The following MYL2 variants were observed in gnomAD, a reference collection of about 807,000 sequenced individuals.
MYL2 encodes the protein myosin regulatory light chain 2, ventricular/cardiac muscle isoform.
In MYL2, 19 loss-of-function variants were observed where a neutral mutation model predicts 23.0. The observed-to-expected ratio is 0.83, with a 90% CI of 0.58 to 1.21. The LOEUF (loss-of-function observed/expected upper bound fraction) is 1.21. MYL2 is among the 50% of genes most tolerant of loss of function. The pLI is 0.00. For missense variants in MYL2, 180 were observed against 215.1 expected, an observed-to-expected ratio of 0.84 and a Z score of 1.02; for synonymous variants, 78 against 76.2, an observed-to-expected ratio of 1.02 and a Z score of -0.13.
At position 110,913,262 on chromosome 12, in the gene MYL2, C is replaced by A. The variant is rs758729568; in HGVS notation, c.337G>T (p.Val113Leu). 18 of 1,614,236 alleles carry A rather than the reference C, an allele frequency of 1.1e-5. No homozygotes were observed. The South Asian group carries it at 1.9e-4, about 17-fold the overall frequency. ...CCCACTCACTAATCAGCCTTCAGCA[C>A]CCCTTTGCCTTCAGGGTCAAACACT... is the stretch of plus-strand genomic sequence containing the variant. ...FKVFDPEGKG[V>L]LKADYVREML... Residue 113 changes from valine to leucine, a missense_variant, in exon 5 of 7, where the codon GTG becomes TTG. By Grantham distance (32) the Val-to-Leu change is conservative. Transcript: ENST00000228841.
intron 2 of MYL2, among the ~76,000 whole-genome samples, chr12:110,917,295 T>A (rs2071693306): frequency 6.6e-6 from 1 of 151,622 alleles, no homozygotes; most frequent in Non-Finnish European, 1.5e-5. Flanking sequence ...TTTAGCTTTT[T>A]AAAAAATAAT....
intron 2 of MYL2, among the ~76,000 whole-genome samples, chr12:110,917,521 A>AAACC (rs1426851847): frequency 2.8e-4 from 36 of 127,486 alleles, no homozygotes; most frequent in African/African-American, 8.2e-4. Flanking sequence ...ACAAACAAAC[A>AAACC]GACCAAATGG....
At position 110,918,306 on chromosome 12, in the gene MYL2, G is replaced by T. The variant is rs889990474; in HGVS notation, c.93+798C>A. Among the ~76,000 whole-genome samples, 7 of 152,088 alleles carry T rather than the reference G, an allele frequency of 4.6e-5. No homozygotes were observed. The highest frequency in any genetic ancestry group is 1.0e-4 in the Non-Finnish European group (7 of 68,032). Reference sequence around the variant, plus strand: ...TCAAATGCGATGGGGTTTCAAATGGGGCTAGTGGTTAATAATCAAAGACTG... The same window carrying T: ...TCAAATGCGATGGGGTTTCAAATGGTGCTAGTGGTTAATAATCAAAGACTG... On this transcript the variant is annotated intron_variant, in intron 2 of 6. Coordinates refer to ENST00000228841, the MANE Select transcript of MYL2 (RefSeq NM_000432.4). The surrounding 1 kb of genome is among the most constrained non-coding windows in gnomAD (Gnocchi z 4.4).
intron 2 of MYL2, among the ~76,000 whole-genome samples, chr12:110,917,047 C>T (rs971621142): frequency 1.3e-5 from 2 of 151,784 alleles, no homozygotes; most frequent in Admixed American, 6.6e-5. Flanking sequence ...GGTTTCACCA[C>T]GTTGGCCAGG....
intron 1 of MYL2, among the ~76,000 whole-genome samples, chr12:110,919,829 A>G (rs145782309): frequency 1.0e-3 from 159 of 152,286 alleles, no homozygotes; most frequent in Non-Finnish European, 1.9e-3. Context: ...TCGGTACTCT[A>G]CATATGTATT....
chr12:110,920,258 T>C (rs562903837), intron 1 of MYL2, among the ~76,000 whole-genome samples: 7 of 152,364 alleles, frequency 4.6e-5, no homozygotes, highest in African/African-American at 1.2e-4. Context: ...CTGGGAGTTA[T>C]TGATTCCTCG....
At position 110,919,035 on chromosome 12, in the gene MYL2, A is replaced by T; in HGVS notation, c.93+69T>A. On this transcript the variant is annotated intron_variant, in intron 2 of 6. Coordinates refer to ENST00000228841, the MANE Select transcript of MYL2 (RefSeq NM_000432.4). Reference sequence around the variant, plus strand: ...TGAAAGGTCCCTGCTGGGAATATGGAACAAAAAGAAGGTTCTCCCTCGTGG... The same window carrying T: ...TGAAAGGTCCCTGCTGGGAATATGGTACAAAAAGAAGGTTCTCCCTCGTGG... 4 of 1,448,940 alleles carry T rather than the reference A, an allele frequency of 2.8e-6. No individual in the cohort carries two copies. The South Asian group carries it at 3.5e-5, about 13-fold the overall frequency. 89.8% of individuals were successfully genotyped at this position (1,448,940 alleles called of 1,614,324 possible).
At chr12:110,920,267 C>G (rs1205069584) in intron 1 of MYL2, among the ~76,000 whole-genome samples, 1 of 152,076 alleles carries the variant, frequency 6.6e-6, no homozygotes, top group Non-Finnish European at 1.5e-5. Flanking sequence ...ATTGATTCCT[C>G]GAGAGGTCAG....
rs1358384301 is a variant in MYL2 at position 110,914,186 on chromosome 12, C to G, written c.274G>C (p.Gly92Arg). The G allele has an allele frequency of 1.2e-6, 2 of 1,610,130 alleles. No individual in the cohort carries two copies. Among genetic ancestry groups the G allele is most frequent in the Non-Finnish European group, 1.7e-6 (2 of 1,176,594 alleles). ...FLTMFGEKLK[G>R]ADPEETILNA... ...CACACACACACACACACGACCTTAC[C>G]CTTAAGTTTCTCCCCAAACATTGTG... The change falls in exon 4 of 7, where the codon GGA becomes CGA. Residue 92 changes from glycine to arginine, a missense_variant and splice_region_variant. Gly to Arg is a moderately radical substitution (Grantham distance 125, BLOSUM62 -2). Transcript: ENST00000228841.
chr12:110,917,699 C>T (rs911553258), intron 2 of MYL2, among the ~76,000 whole-genome samples: 12 of 152,150 alleles, frequency 7.9e-5, no homozygotes, highest in African/African-American at 1.9e-4. Context: ...CTATGGGACA[C>T]GGCATTCCTG....
At chr12:110,915,411 T>G (rs1215456255) in intron 3 of MYL2, among the ~76,000 whole-genome samples, 1 of 152,236 alleles carries the variant, frequency 6.6e-6, no homozygotes, top group Non-Finnish European at 1.5e-5. Context: ...AATATGACCT[T>G]CTGGGTGATG....
intron 2 of MYL2, among the ~76,000 whole-genome samples, chr12:110,917,053 C>G (rs1233745898): frequency 5.3e-5 from 8 of 151,668 alleles, no homozygotes; most frequent in Admixed American, 5.3e-4. Context: ...ACCACGTTGG[C>G]CAGGCTGGTC....
At chr12:110,920,854 C>A, upstream of MYL2, 1 of 484,842 alleles carries the variant, frequency 2.1e-6, no homozygotes, top group African/African-American at 1.9e-5. Context: ...TTGTGCTTGT[C>A]AATTTTGAGA....
intron 3 of MYL2, among the ~76,000 whole-genome samples, chr12:110,915,135 C>T (rs997354731): frequency 1.3e-5 from 2 of 152,116 alleles, no homozygotes; most frequent in Non-Finnish European, 2.9e-5. Flanking sequence ...TGAATACTTC[C>T]CTGTAGAATT....
chr12:110,913,118 G>A lies in MYL2; in HGVS notation c.380C>T (p.Ala127Val), dbSNP rs141878747. The A allele has an allele frequency of 2.4e-5, 39 of 1,614,058 alleles. No individual in the cohort carries two copies. The highest frequency in any genetic ancestry group is 3.1e-5 in the Non-Finnish European group (37 of 1,180,038). ...DYVREMLTTQ[A>V]ERFSKEEVDQ... is the part of the protein sequence containing the mutation. ...TACCTCCTCCTTGGAAAACCTCTCC[G>A]CCTGCGTGGTCAGCATTTCCCGAAC... The change falls in exon 6 of 7, where the codon GCG becomes GTG. Residue 127 changes from alanine to valine, a missense_variant. Physicochemically the swap from Ala to Val is moderately conservative, Grantham distance 64. Coordinates refer to ENST00000228841, the MANE Select transcript of MYL2 (RefSeq NM_000432.4).
At position 110,914,219 on chromosome 12, in the gene MYL2, C is replaced by T. The variant is rs762872370; in HGVS notation, c.241G>A (p.Val81Met). Residue 81 changes from valine to methionine, a missense_variant, in exon 4 of 7, where the codon GTG (valine) becomes ATG (methionine). Val to Met is a conservative substitution (Grantham distance 21). Transcript: ENST00000228841. ...KEAPGPINFT[V>M]FLTMFGEKLK... Reference sequence around the variant, plus strand: ...TTCTCCCCAAACATTGTGAGGAACACAGTAAAGTTAATTGGACCCGGAGCC... The same window carrying T: ...TTCTCCCCAAACATTGTGAGGAACATAGTAAAGTTAATTGGACCCGGAGCC... 5 of 1,614,014 alleles carry T rather than the reference C, an allele frequency of 3.1e-6. No homozygotes were observed. The South Asian group carries it at 4.4e-5, about 14-fold the overall frequency.
chr12:110,913,241 C>T lies in MYL2; in HGVS notation c.353+5G>A. On this transcript the variant is annotated splice_donor_5th_base_variant and intron_variant, in intron 5 of 6. Coordinates refer to ENST00000228841, the MANE Select transcript of MYL2 (RefSeq NM_000432.4). ...CCCCCTTCCTCCCCCACAGACCCCA[C>T]TCACTAATCAGCCTTCAGCACCCCT... The T allele has an allele frequency of 6.2e-7, 1 of 1,614,218 alleles. No homozygotes were observed. The highest frequency in any genetic ancestry group is 8.5e-7 in the Non-Finnish European group (1 of 1,180,032).
upstream of MYL2, among the ~76,000 whole-genome samples, chr12:110,921,166 CTGGG>C (rs1566151371): frequency 5.3e-5 from 8 of 152,156 alleles, no homozygotes; most frequent in Admixed American, 4.6e-4. Flanking sequence ...TGCGACCAGC[CTGGG>C]TGACATAGGG....
Position 110,915,741 on chromosome 12 carries a change from T to A in MYL2, c.143A>T (p.Asp48Val). Residue 48 changes from aspartate to valine, a missense_variant, in exon 3 of 7, where the codon GAT becomes GTT. Physicochemically the swap from Asp to Val is radical, Grantham distance 152 (BLOSUM62 -3). Transcript: ENST00000228841. ...AAGGGCAGCAAAGGTGTCTCTCAGA[T>A]CGTTCTTGTCAATGAAGCCATCCCT... Reference protein sequence around the residue: ...QNRDGFIDKNDLRDTFAALGR... With the variant: ...QNRDGFIDKNVLRDTFAALGR... 6.2e-7 allele frequency: 1 copy of A among 1,614,148 alleles called. No homozygotes were observed. Among genetic ancestry groups the A allele is most frequent in the Non-Finnish European group, 8.5e-7 (1 of 1,180,016 alleles).
Sources: gnomAD v4.1 joint callset for allele counts (sites outside exome capture counted in the v4.1 genomes callset) on GRCh38, gnomAD v4.1.1 for gene constraint, Gnocchi (gnomAD v3.1) non-coding constraint, MANE v1.5 for transcripts, NCBI Gene and HGNC (gene_info 2026-07-23, HGNC 2026-07-21) for gene names.